The following CDH12 variants were observed in gnomAD, a reference collection of about 807,000 sequenced individuals.
CDH12 encodes cadherin-12.
In CDH12, 41 loss-of-function variants were observed where a neutral mutation model predicts 74.1. The observed-to-expected ratio is 0.55, with a 90% CI of 0.43 to 0.72. CDH12 has a LOEUF of 0.72. CDH12 is among the 30% of genes least tolerant of loss of function. The pLI is 0.00. For synonymous variants in CDH12, 399 were observed against 355.0 expected (o/e 1.12, Z -1.39); for missense variants, 945 against 977.2 (o/e 0.97, Z 0.44).
intron 1 of CDH12, among the ~76,000 whole-genome samples, chr5:22,572,482 C>T (rs533954767): frequency 3.8e-4 from 58 of 152,026 alleles, no homozygotes; most frequent in Middle Eastern, 3.4e-3. Context: ...ATATGTAGGG[C>T]TCCATTTTCC....
chr5:22,088,218 T>G lies in CDH12; in HGVS notation c.-186-9356A>C, dbSNP rs78670961. 8.5e-3 allele frequency among the ~76,000 whole-genome samples: 1,299 copies of G among 152,266 alleles called. 13 individuals are homozygous for G. The highest frequency in any genetic ancestry group is 0.03 in the African/African-American group (1,251 of 41,544). Reference sequence around the variant, plus strand: ...TCATTTAAAGTCTCTAGAAATGGTCTTAAGTGTATTCAGCAAACAAAATAA... The same window carrying G: ...TCATTTAAAGTCTCTAGAAATGGTCGTAAGTGTATTCAGCAAACAAAATAA... On this transcript the variant is annotated intron_variant, in intron 4 of 14. Transcript: ENST00000382254.
At chr5:22,542,494 A>G (rs1442991533) in intron 1 of CDH12, among the ~76,000 whole-genome samples, 1 of 152,202 alleles carries the variant, frequency 6.6e-6, no homozygotes, top group Non-Finnish European at 1.5e-5. Flanking sequence ...AGTACCCAGA[A>G]GTGGCTCTGG....
At chr5:22,501,741 T>C (rs1736155965) in intron 2 of CDH12, among the ~76,000 whole-genome samples, 1 of 108,448 alleles carries the variant, frequency 9.2e-6, no homozygotes, top group Non-Finnish European at 1.9e-5. Context: ...CCTTACAAAG[T>C]ATATTAAAAA....
At chr5:22,813,810 A>T (rs1179523521) in intron 1 of CDH12, among the ~76,000 whole-genome samples, 1 of 152,128 alleles carries the variant, frequency 6.6e-6, no homozygotes, top group Non-Finnish European at 1.5e-5. Flanking sequence ...TAGAATTGGA[A>T]TCTTCCCTGG....
At chr5:22,116,005 T>C (rs1324291844) in intron 4 of CDH12, among the ~76,000 whole-genome samples, 4 of 152,168 alleles carry the variant, frequency 2.6e-5, no homozygotes, top group Non-Finnish European at 5.9e-5. Context: ...TCGTGACTTT[T>C]ATCTCCTCAT....
intron 6 of CDH12, among the ~76,000 whole-genome samples, chr5:21,956,992 G>A (rs1489168540): frequency 6.6e-6 from 1 of 151,764 alleles, no homozygotes; most frequent in Admixed American, 6.6e-5. Context: ...ACCAGGGTTT[G>A]TTGTACAGAT....
chr5:22,724,662 T>G (rs1439729083), intron 1 of CDH12, among the ~76,000 whole-genome samples: 5 of 151,942 alleles, frequency 3.3e-5, no homozygotes, highest in Admixed American at 1.3e-4. Flanking sequence ...GTTCCATATC[T>G]TTTCAATTGT....
chr5:22,279,108 T>A (rs1194628883), intron 3 of CDH12, among the ~76,000 whole-genome samples: 1 of 152,204 alleles, frequency 6.6e-6, no homozygotes, highest in African/African-American at 2.4e-5. Flanking sequence ...TCATTATTTT[T>A]CTATACTGAA....
chr5:22,328,414 T>C (rs932050831), intron 3 of CDH12, among the ~76,000 whole-genome samples: 1 of 152,228 alleles, frequency 6.6e-6, no homozygotes, highest in Non-Finnish European at 1.5e-5. Context: ...AGATACTTCA[T>C]GGATTTACAG....
chr5:22,300,621 C>T lies in CDH12; in HGVS notation c.-332-87978G>A, dbSNP rs565473253. ...TTTAACGTTTTGCACCAAAGCTCAACTCTCAATATAACATATTTCAGCATA... is the reference window on the plus strand; with the variant it reads ...TTTAACGTTTTGCACCAAAGCTCAATTCTCAATATAACATATTTCAGCATA... On this transcript the variant is annotated intron_variant, in intron 3 of 14. Transcript: ENST00000382254. Among the ~76,000 whole-genome samples the T allele has an allele frequency of 8.5e-5, 13 of 152,312 alleles. No homozygotes were observed. The South Asian group carries it at 2.5e-3, about 29-fold the overall frequency.
At chr5:22,480,991 T>C (rs376996033) in intron 2 of CDH12, among the ~76,000 whole-genome samples, 1 of 152,256 alleles carries the variant, frequency 6.6e-6, no homozygotes, top group African/African-American at 2.4e-5. Context: ...AGGTAAAATA[T>C]GTTATTTAGT....
chr5:22,012,175 G>T (rs557809213), intron 5 of CDH12, among the ~76,000 whole-genome samples: 30 of 152,018 alleles, frequency 2.0e-4, no homozygotes, highest in Non-Finnish European at 3.2e-4. Flanking sequence ...TTTCTGATTA[G>T]CAAATTCCAC....
At chr5:22,364,486 G>A (rs955887142) in intron 3 of CDH12, among the ~76,000 whole-genome samples, 1 of 152,120 alleles carries the variant, frequency 6.6e-6, no homozygotes, top group Non-Finnish European at 1.5e-5. Context: ...GTGTTCACAG[G>A]GGAGCTTTTC....
At chr5:22,127,107 G>T (rs1479385671) in intron 4 of CDH12, among the ~76,000 whole-genome samples, 1 of 152,094 alleles carries the variant, frequency 6.6e-6, no homozygotes, top group East Asian at 1.9e-4. Flanking sequence ...ATCATTTTAA[G>T]TCTATCAAAA....
rs527494874 is a variant in CDH12, at chr5:21,867,044, C to G, written c.527-12254G>C. Among the ~76,000 whole-genome samples the G allele has an allele frequency of 3.9e-5, 6 of 152,254 alleles. No homozygotes were observed. In the East Asian group the frequency reaches 1.2e-3, roughly 29 times the overall value. On this transcript the variant is annotated intron_variant, in intron 6 of 14. Transcript: ENST00000382254. Reference sequence around the variant, plus strand: ...AGCATTCACATGGTATTGAGCCTGCCAGTGCACAGAAATCAAGAATTGAGG... The same window carrying G: ...AGCATTCACATGGTATTGAGCCTGCGAGTGCACAGAAATCAAGAATTGAGG...
chr5:22,481,363 A>T (rs1028851783), intron 2 of CDH12, among the ~76,000 whole-genome samples: 1 of 152,208 alleles, frequency 6.6e-6, no homozygotes, highest in African/African-American at 2.4e-5. Context: ...ATATTCAGAA[A>T]ATTGAAATCA....
chr5:22,704,253 G>C (rs1375124181), intron 1 of CDH12, among the ~76,000 whole-genome samples: 1 of 152,140 alleles, frequency 6.6e-6, no homozygotes, highest in African/African-American at 2.4e-5. Flanking sequence ...AGAAGCTGGA[G>C]AGAGAGGATG....
intron 3 of CDH12, among the ~76,000 whole-genome samples, chr5:22,283,539 T>C (rs1287029402): frequency 6.6e-6 from 1 of 151,896 alleles, no homozygotes; most frequent in Non-Finnish European, 1.5e-5. Flanking sequence ...TGATTTTCAC[T>C]TATATGTGGA....
At chr5:22,720,756 T>C (rs1455602879) in intron 1 of CDH12, among the ~76,000 whole-genome samples, 1 of 152,146 alleles carries the variant, frequency 6.6e-6, no homozygotes, top group African/African-American at 2.4e-5. Context: ...GCTGAGGTGG[T>C]TGCAGATGAA....
Sources: gnomAD v4.1 joint callset for allele counts (sites outside exome capture counted in the v4.1 genomes callset) on GRCh38, gnomAD v4.1.1 for gene constraint, MANE v1.5 for transcripts, NCBI Gene and HGNC (gene_info 2026-07-23, HGNC 2026-07-21) for gene names.